RGS9: variants seen among roughly 807,000 people sequenced by gnomAD.
RGS9 encodes regulator of G-protein signalling 9.
Under a neutral mutation model 102.0 loss-of-function variants are expected in RGS9, and 78 were observed. The ratio of observed to expected loss-of-function variants is 0.76; its 90% CI spans 0.64 to 0.92. RGS9 has a LOEUF of 0.92. RGS9 is among the 40% of genes least tolerant of loss of function. RGS9 has a pLI of 0.00. For synonymous variants in RGS9, 353 were observed against 318.6 expected (o/e 1.11, Z -1.15); for missense variants, 833 against 866.1 (o/e 0.96, Z 0.48).
intron 13 of RGS9, 50 bp downstream of exon 13, chr17:65,197,291 A>T: frequency 8.1e-7 from 1 of 1,237,962 alleles, no homozygotes; most frequent in Non-Finnish European, 1.2e-6. Context: ...TTTTAGAAAG[A>T]GTCCTTTAAT....
chr17:65,193,726 C>T, intron 12 of RGS9, 70 bp downstream of exon 12: 1 of 890,356 alleles, frequency 1.1e-6, no homozygotes, highest in East Asian at 2.4e-5. Flanking sequence ...CCATAAAATT[C>T]ACCCCTTCAA....
chr17:65,170,124 G>A (rs1220966273), intron 8 of RGS9, among the ~76,000 whole-genome samples: 1 of 145,370 alleles, frequency 6.9e-6, no homozygotes, highest in Non-Finnish European at 1.5e-5. Flanking sequence ...GCACGATTTC[G>A]GCTCACTGCA....
intron 6 of RGS9, among the ~76,000 whole-genome samples, chr17:65,161,676 T>TA (rs1282269762): frequency 6.6e-6 from 1 of 151,998 alleles, no homozygotes; most frequent in Admixed American, 6.6e-5. Flanking sequence ...GGTGGAGGGT[T>TA]AAAATCTTGC....
intron 1 of RGS9, among the ~76,000 whole-genome samples, chr17:65,151,046 T>TA (rs1172271735): frequency 7.2e-5 from 11 of 151,804 alleles, no homozygotes; most frequent in African/African-American, 1.4e-4. Flanking sequence ...CCAGTTTGTT[T>TA]AAAAAAAAAT....
intron 13 of RGS9, among the ~76,000 whole-genome samples, chr17:65,200,860 G>C (rs79834668): frequency 1.3e-5 from 2 of 152,040 alleles, no homozygotes; most frequent in Non-Finnish European, 2.9e-5. Context: ...GTTATGAAAA[G>C]GTATCATGAA....
intron 17 of RGS9, among the ~76,000 whole-genome samples, chr17:65,222,310 T>C (rs975921380): frequency 1.3e-5 from 2 of 152,184 alleles, no homozygotes; most frequent in Non-Finnish European, 2.9e-5. Context: ...TGGAAAGGGC[T>C]CCTGTGACCA....
chr17:65,182,748 C>T (rs541270507), intron 9 of RGS9, among the ~76,000 whole-genome samples: 2 of 152,298 alleles, frequency 1.3e-5, no homozygotes, highest in East Asian at 3.9e-4. Context: ...ACCGCTGCTC[C>T]CCTCTCCACC....
At position 65,204,289 on chromosome 17, in the gene RGS9, G is replaced by A. The variant is rs777812026; in HGVS notation, c.1191G>A (p.Met397Ile). The A allele has an allele frequency of 6.2e-7, 1 of 1,613,886 alleles. No homozygotes were observed. Among genetic ancestry groups the A allele is most frequent in the Admixed American group, 1.7e-5 (1 of 60,032 alleles). Residue 397 changes from methionine (M) to isoleucine (I), a missense_variant, in exon 15 of 19, where the codon ATG becomes ATA. Met to Ile is a conservative substitution (Grantham distance 10). This residue lies in a region of RGS9 where 185 missense variants were observed against 248.7 expected (regional missense o/e 0.74). Coordinates refer to ENST00000262406, the MANE Select transcript of RGS9 (RefSeq NM_003835.4). ...ACGCCGCACAAACCCACATTTACAT[G>A]CTCATGAAGAAGGTAGGTGGGTCCG... ...VLDAAQTHIYMLMKKDSYARY... is the reference protein window; with the variant it reads ...VLDAAQTHIYILMKKDSYARY...
intron 9 of RGS9, among the ~76,000 whole-genome samples, chr17:65,185,103 G>A (rs915028735): frequency 6.6e-6 from 1 of 152,084 alleles, no homozygotes; most frequent in African/African-American, 2.4e-5. Flanking sequence ...AAAAGTTCAG[G>A]ACTCTTTTCT....
intron 1 of RGS9, among the ~76,000 whole-genome samples, chr17:65,149,670 A>C (rs1289805868): frequency 1.3e-5 from 2 of 152,250 alleles, no homozygotes; most frequent in Non-Finnish European, 2.9e-5. Context: ...GTCTCTCCTG[A>C]TAAAGCATAT....
intron 9 of RGS9, among the ~76,000 whole-genome samples, chr17:65,186,137 G>A (rs1002440521): frequency 2.0e-5 from 3 of 151,120 alleles, no homozygotes; most frequent in South Asian, 2.1e-4. Context: ...CTTGCGTTAC[G>A]GCTCTAGTTC....
chr17:65,210,347 C>T lies in RGS9; in HGVS notation c.1290-141C>T, dbSNP rs1598618500. ...GGAGAAAGGAGCCAAGGTTGGACCC[C>T]ACTGGAGGTTCACTGGAAAAAGGAG... On this transcript the variant is annotated intron_variant, in intron 16 of 18. Coordinates refer to ENST00000262406, the MANE Select transcript of RGS9 (RefSeq NM_003835.4). 10 of 1,034,748 alleles carry T rather than the reference C, an allele frequency of 9.7e-6. No homozygotes were observed. The East Asian group carries it at 2.4e-4, about 25-fold the overall frequency. 64.1% of individuals were successfully genotyped at this position (1,034,748 alleles called of 1,614,324 possible). A position where few individuals can be genotyped will look rare whatever the true frequency, so the allele number is the denominator to read the frequency against.
intron 2 of RGS9, among the ~76,000 whole-genome samples, chr17:65,156,743 GC>G (rs1437766828): frequency 6.6e-6 from 1 of 152,196 alleles, no homozygotes; most frequent in East Asian, 1.9e-4. Flanking sequence ...TCTGATGTCT[GC>G]CTAGGTCTGT....
intron 8 of RGS9, among the ~76,000 whole-genome samples, chr17:65,175,145 G>A (rs1911577715): frequency 6.6e-6 from 1 of 151,706 alleles, no homozygotes; most frequent in South Asian, 2.1e-4. Context: ...GTGTGCATAT[G>A]TACATGTGGG....
chr17:65,158,593 G>T, intron 3 of RGS9: 2 of 578,340 alleles, frequency 3.5e-6, no homozygotes, highest in East Asian at 3.1e-5. Context: ...AGTCAAGAAA[G>T]TCCTGGAGGG....
At chr17:65,202,812 C>T (rs1912909098) in intron 14 of RGS9, among the ~76,000 whole-genome samples, 1 of 152,140 alleles carries the variant, frequency 6.6e-6, no homozygotes, top group African/African-American at 2.4e-5. Context: ...CCACACTCCC[C>T]CTCCCCAACA....
At chr17:65,149,187 T>A (rs918170145) in intron 1 of RGS9, among the ~76,000 whole-genome samples, 13 of 152,056 alleles carry the variant, frequency 8.5e-5, no homozygotes, top group African/African-American at 3.1e-4. Flanking sequence ...TTGGCCAGGC[T>A]GGTCTCGAAC....
intron 17 of RGS9, among the ~76,000 whole-genome samples, chr17:65,216,410 C>T (rs747789146): frequency 1.2e-4 from 19 of 152,122 alleles, no homozygotes; most frequent in African/African-American, 1.7e-4. Context: ...GAGGCGGAGG[C>T]GGGCTGGTCA....
At chr17:65,200,938 G>T (rs1471143578) in intron 13 of RGS9, among the ~76,000 whole-genome samples, 1 of 152,096 alleles carries the variant, frequency 6.6e-6, no homozygotes, top group African/African-American at 2.4e-5. Context: ...TATTAGTAAG[G>T]CCTCTGGTAA....
Sources: gnomAD v4.1 joint callset for allele counts (sites outside exome capture counted in the v4.1 genomes callset) on GRCh38, gnomAD v4.1.1 for gene constraint, gnomAD v4.1.1 regional missense constraint, MANE v1.5 for transcripts, NCBI Gene and HGNC (gene_info 2026-07-23, HGNC 2026-07-21) for gene names.